The following CTIF variants were observed in gnomAD, a reference collection of about 807,000 sequenced individuals.
CTIF encodes the protein CBP80/20-dependent translation initiation factor.
In CTIF, 21 loss-of-function variants were observed where a neutral mutation model predicts 66.0. The ratio of observed to expected loss-of-function variants is 0.32; its 90% CI spans 0.23 to 0.46. CTIF has a LOEUF of 0.46. CTIF is among the 20% of genes least tolerant of loss of function. The pLI, the probability that CTIF is intolerant of heterozygous loss-of-function variation, is 1.00. For synonymous variants in CTIF, 345 were observed against 326.4 expected, an observed-to-expected ratio of 1.06 and a Z score of -0.62; for missense variants, 739 against 812.7, an observed-to-expected ratio of 0.91 and a Z score of 1.10.
intron 1 of CTIF, among the ~76,000 whole-genome samples, chr18:48,585,247 ATC>A (rs1472288695): frequency 6.6e-6 from 1 of 152,232 alleles, no homozygotes; most frequent in East Asian, 1.9e-4. Context: ...GTGCAAGAAA[ATC>A]TATCTTTATG....
chr18:48,623,716 G>T (rs1007172300), intron 2 of CTIF, among the ~76,000 whole-genome samples: 2 of 152,244 alleles, frequency 1.3e-5, no homozygotes, highest in South Asian at 4.2e-4. Flanking sequence ...GAGGAATGTT[G>T]CTCTTCAGCT....
intron 9 of CTIF, among the ~76,000 whole-genome samples, chr18:48,810,009 T>C (rs2068226933): frequency 1.3e-5 from 2 of 152,074 alleles, no homozygotes; most frequent in Admixed American, 1.3e-4. Flanking sequence ...GGTTTTCTAA[T>C]TGTTTTAGTT....
At position 48,777,961 on chromosome 18, in the gene CTIF, G is replaced by A. The variant is rs971228499; in HGVS notation, c.1371+16272G>A. On this transcript the variant is annotated intron_variant, in intron 9 of 11. Coordinates refer to ENST00000256413, the MANE Select transcript of CTIF (RefSeq NM_014772.3). ...CTGGACCCGGAAACAGGCATGCCTT[G>A]AGTCACCAGCAGTGGGCAGCCGTAG... Among the ~76,000 whole-genome samples, 21 of 152,344 alleles carry A rather than the reference G, an allele frequency of 1.4e-4. No individual in the cohort carries two copies. In the East Asian group the frequency reaches 4.1e-3, roughly 29 times the overall value.
intron 9 of CTIF, among the ~76,000 whole-genome samples, chr18:48,783,340 T>C (rs900065522): frequency 5.3e-5 from 8 of 152,182 alleles, no homozygotes; most frequent in African/African-American, 1.9e-4. Flanking sequence ...TACTCTGAGA[T>C]TGCATCCTTC....
At chr18:48,741,178 A>G (rs1326261993) in intron 7 of CTIF, among the ~76,000 whole-genome samples, 1 of 151,894 alleles carries the variant, frequency 6.6e-6, no homozygotes, top group Non-Finnish European at 1.5e-5. Context: ...GGGCCCAGAG[A>G]GGTGTTTCCT....
At chr18:48,812,871 TTTA>T (rs781329872) in intron 9 of CTIF, among the ~76,000 whole-genome samples, 1 of 152,182 alleles carries the variant, frequency 6.6e-6, no homozygotes, top group Non-Finnish European at 1.5e-5. Context: ...TCAACTCATT[TTTA>T]TTATTATTTA....
At chr18:48,611,464 C>G (rs2090306275) in intron 1 of CTIF, among the ~76,000 whole-genome samples, 1 of 152,264 alleles carries the variant, frequency 6.6e-6, no homozygotes. Context: ...AGAAGTTTGG[C>G]CTGGGGACTC....
chr18:48,839,531 C>T (rs894968893), intron 10 of CTIF, among the ~76,000 whole-genome samples: 1 of 152,088 alleles, frequency 6.6e-6, no homozygotes, highest in South Asian at 2.1e-4. Context: ...CTACCCTTGG[C>T]GGGAGGTAAT....
chr18:48,723,130 C>A (rs1295189627), intron 7 of CTIF, among the ~76,000 whole-genome samples: 1 of 152,198 alleles, frequency 6.6e-6, no homozygotes, highest in Non-Finnish European at 1.5e-5. Flanking sequence ...TGCTAACAAC[C>A]CACTGCTCTG....
At chr18:48,702,851 T>C (rs1367401127) in intron 6 of CTIF, among the ~76,000 whole-genome samples, 2 of 152,034 alleles carry the variant, frequency 1.3e-5, no homozygotes, top group African/African-American at 2.4e-5. Flanking sequence ...TTATTTCTGC[T>C]TGGACGTGAC....
intron 7 of CTIF, among the ~76,000 whole-genome samples, chr18:48,740,358 C>G (rs2092543163): frequency 6.6e-6 from 1 of 152,210 alleles, no homozygotes; most frequent in Non-Finnish European, 1.5e-5. Flanking sequence ...CAGAGTCCTC[C>G]AAAACCTGGC....
chr18:48,844,039 C>A (rs1007380159), intron 10 of CTIF, among the ~76,000 whole-genome samples: 1 of 152,202 alleles, frequency 6.6e-6, no homozygotes, highest in Non-Finnish European at 1.5e-5. Flanking sequence ...AATATGTAAG[C>A]CAGGTGAGCA....
In CTIF at chr18:48,757,941, G is replaced by A. The variant is rs1308932501; in HGVS notation, c.607G>A (p.Gly203Ser). Reference protein sequence around the residue: ...DRRRQQRPPGGNKPQQHGDHQ... With the variant: ...DRRRQQRPPGSNKPQQHGDHQ... ...CAGGCGGCAGCAGAGACCTCCGGGG[G>A]GCAACAAGCCCCAACAGCATGGTGA... The change falls in exon 8 of 12, where the codon GGC (glycine) becomes AGC (serine). Residue 203 changes from glycine to serine, a missense_variant. Gly to Ser is a moderately conservative substitution (Grantham distance 56, BLOSUM62 0). Coordinates refer to ENST00000256413, the MANE Select transcript of CTIF (RefSeq NM_014772.3). 1 of 1,612,602 alleles carries A rather than the reference G, an allele frequency of 6.2e-7. No individual in the cohort carries two copies. The highest frequency in any genetic ancestry group is 1.3e-5 in the African/African-American group (1 of 74,870).
intron 10 of CTIF, among the ~76,000 whole-genome samples, chr18:48,829,086 G>T (rs543626741): frequency 1.8e-4 from 27 of 152,304 alleles, no homozygotes; most frequent in Non-Finnish European, 2.8e-4. Context: ...GAGGGAGGGG[G>T]TGCAGATTAT....
At chr18:48,551,746 T>C (rs2088886037) in intron 1 of CTIF, among the ~76,000 whole-genome samples, 1 of 152,072 alleles carries the variant, frequency 6.6e-6, no homozygotes, top group Non-Finnish European at 1.5e-5. Flanking sequence ...AACGCAGGGA[T>C]TGAACAGGTG....
intron 10 of CTIF, among the ~76,000 whole-genome samples, chr18:48,853,447 ACC>A (rs1341011171): frequency 6.6e-6 from 1 of 151,754 alleles, no homozygotes; most frequent in Non-Finnish European, 1.5e-5. Context: ...GGGATGCGAG[ACC>A]CCGAGGGTCC....
chr18:48,553,912 C>T (rs558810478), intron 1 of CTIF, among the ~76,000 whole-genome samples: 2 of 152,060 alleles, frequency 1.3e-5, no homozygotes, highest in Non-Finnish European at 2.9e-5. Context: ...CTGCCTGCCT[C>T]GGCCTCCCAA....
intron 1 of CTIF, among the ~76,000 whole-genome samples, chr18:48,552,082 G>A (rs1398525522): frequency 3.9e-5 from 6 of 152,220 alleles, no homozygotes; most frequent in African/African-American, 1.4e-4. Context: ...GATTACAGGC[G>A]TGAGCCACCG....
chr18:48,592,513 AG>A (rs1361894831), intron 1 of CTIF, among the ~76,000 whole-genome samples: 2,092 of 149,338 alleles, frequency 0.014, 38 homozygotes, highest in African/African-American at 0.043. Context: ...AAAAAAAAAA[AG>A]AAAAAGAAAA....
Sources: gnomAD v4.1 joint callset for allele counts (sites outside exome capture counted in the v4.1 genomes callset) on GRCh38, gnomAD v4.1.1 for gene constraint, MANE v1.5 for transcripts, NCBI Gene and HGNC (gene_info 2026-07-23, HGNC 2026-07-21) for gene names.